Variants in INTU observed in about 807,000 individuals in gnomAD.
INTU encodes inturned planar cell polarity protein.
INTU carries 68 observed loss-of-function variants against 100.5 expected under a neutral mutation model. The ratio of observed to expected loss-of-function variants is 0.68; its 90% confidence interval spans 0.56 to 0.83. INTU has a LOEUF of 0.83. Ranked by LOEUF, INTU falls within the 40% of genes least tolerant of loss-of-function variation. The probability of loss-of-function intolerance (pLI) is 0.00; values close to 1 mark genes in which losing one functional copy is unlikely to be tolerated. For missense variants in INTU, 1,071 were observed against 1,114.7 expected (o/e 0.96, Z 0.56); for synonymous variants, 357 against 395.7 (o/e 0.90, Z 1.16).
chr4:127,702,270 T>C (rs1730681650), intron 9 of INTU, among the ~76,000 whole-genome samples: 1 of 152,174 alleles, frequency 6.6e-6, no homozygotes, highest in Admixed American at 6.6e-5. Context: ...ACAACTACTT[T>C]GGAAGACAGT....
At chr4:127,646,126 A>G (rs1423032365) in intron 2 of INTU, among the ~76,000 whole-genome samples, 3 of 151,042 alleles carry the variant, frequency 2.0e-5, no homozygotes, top group African/African-American at 7.3e-5. Context: ...AGAGGTTGCA[A>G]TGAGCCAAGA....
chr4:127,720,838 A>G lies in INTU; in HGVS notation c.*4402A>G, dbSNP rs1731336371. On this transcript the variant is annotated 3_prime_UTR_variant, in exon 16 of 16. Transcript: ENST00000335251. ...CCTTTTGCTTGGTAGATTTTCCTTC[A>G]TCCTTTTATTTTGAGTCTATGTGTG... The G allele has an allele frequency of 6.6e-6, 1 of 151,372 alleles. No homozygotes were observed. Among genetic ancestry groups the G allele is most frequent in the South Asian group, 2.1e-4 (1 of 4,790 alleles). 9.4% of individuals were successfully genotyped at this position (151,372 alleles called of 1,614,324 possible). A position where few individuals can be genotyped will look rare whatever the true frequency, so the allele number is the denominator to read the frequency against.
At chr4:127,703,812 G>GTATA (rs1241695322) in intron 9 of INTU, among the ~76,000 whole-genome samples, 5 of 152,008 alleles carry the variant, frequency 3.3e-5, no homozygotes, top group Non-Finnish European at 7.4e-5. Context: ...TACTCAGAGG[G>GTATA]TATATATACT....
chr4:127,714,052 T>A lies in INTU; in HGVS notation c.2676T>A (p.Asp892Glu), dbSNP rs768394698. 4.3e-6 allele frequency: 7 copies of A among 1,613,376 alleles called. No homozygotes were observed. In the East Asian group the frequency reaches 1.1e-4, roughly 26 times the overall value. ...AATGTTCACCTGGAAACTGGACTGA[T>A]CAGAAAAAAGCACCACCAGTTATGG... ...LFECSPGNWT[D>E]QKKAPPVMAY... The change falls in exon 15 of 16, where the codon GAT (aspartate) becomes GAA (glutamate). Residue 892 changes from aspartate (D) to glutamate (E), a missense_variant. Transcript: ENST00000335251.
At chr4:127,696,415 A>G (rs972903924) in intron 8 of INTU, among the ~76,000 whole-genome samples, 3 of 152,124 alleles carry the variant, frequency 2.0e-5, no homozygotes, top group Admixed American at 6.5e-5. Flanking sequence ...TTCTTCTTGT[A>G]TCTTTCAAGG....
intron 6 of INTU, among the ~76,000 whole-genome samples, chr4:127,684,089 T>C (rs950141035): frequency 1.3e-5 from 2 of 152,166 alleles, no homozygotes; most frequent in Non-Finnish European, 2.9e-5. Flanking sequence ...ATTAATTTCA[T>C]TTAATTCTCA....
At chr4:127,696,293 T>C (rs1043806594) in intron 8 of INTU, among the ~76,000 whole-genome samples, 11 of 152,206 alleles carry the variant, frequency 7.2e-5, no homozygotes, top group Non-Finnish European at 1.5e-5. Flanking sequence ...ACTTAAATGT[T>C]TGGTAGAATT....
At chr4:127,663,985 A>G (rs910424661) in intron 4 of INTU, among the ~76,000 whole-genome samples, 5 of 152,092 alleles carry the variant, frequency 3.3e-5, no homozygotes, top group Non-Finnish European at 7.4e-5. Context: ...TTACACTTTT[A>G]TAACCAGTAT....
intron 2 of INTU, among the ~76,000 whole-genome samples, chr4:127,648,537 T>C (rs568154083): frequency 1.3e-5 from 2 of 152,330 alleles, no homozygotes; most frequent in Admixed American, 1.3e-4. Flanking sequence ...AATGTATTCA[T>C]TAGGATTTGG....
chr4:127,653,215 A>G (rs1560835395), intron 2 of INTU, among the ~76,000 whole-genome samples: 2 of 128,970 alleles, frequency 1.6e-5, no homozygotes, highest in African/African-American at 3.1e-5. Flanking sequence ...TTGTGTCTCT[A>G]TTTCCTTCAG....
chr4:127,650,108 G>A (rs1727774231), intron 2 of INTU, among the ~76,000 whole-genome samples: 1 of 152,150 alleles, frequency 6.6e-6, no homozygotes, highest in Non-Finnish European at 1.5e-5. Context: ...GCAAAGAACT[G>A]TTTGTAGACA....
rs1728811482 is a variant in INTU, at chr4:127,669,070, CAT to C, written c.1008_1009del (p.Gln338GlufsTer3). 1 of 1,533,960 alleles carries C rather than the reference CAT, an allele frequency of 6.5e-7. No homozygotes were observed. Among genetic ancestry groups the C allele is most frequent in the Non-Finnish European group, 8.9e-7 (1 of 1,128,424 alleles). ...CTTTATCATTATCCAATGTCTGAAG[CAT>C]CTCAGAAACTTAAAAGTGTGAGAGG... On this transcript the variant is annotated frameshift_variant, in exon 5 of 16. Coordinates refer to ENST00000335251, the MANE Select transcript of INTU (RefSeq NM_015693.4). LOFTEE classifies it high-confidence loss of function.
chr4:127,711,767 C>T (rs1230817372), intron 14 of INTU, among the ~76,000 whole-genome samples: 1 of 152,112 alleles, frequency 6.6e-6, no homozygotes, highest in African/African-American at 2.4e-5. Context: ...TGAAACCATC[C>T]CTCCCCCAGA....
At chr4:127,683,170 G>T (rs1729662495) in intron 6 of INTU, among the ~76,000 whole-genome samples, 1 of 152,106 alleles carries the variant, frequency 6.6e-6, no homozygotes, top group Non-Finnish European at 1.5e-5. Context: ...GGGAAGGGAG[G>T]CCATCTTCCC....
At chr4:127,676,683 G>A (rs1729209641) in intron 6 of INTU, among the ~76,000 whole-genome samples, 1 of 152,174 alleles carries the variant, frequency 6.6e-6, no homozygotes, top group Non-Finnish European at 1.5e-5. Flanking sequence ...CAGAAGACGG[G>A]TGATTTCTGC....
At chr4:127,666,105 A>T (rs1728686042) in intron 4 of INTU, among the ~76,000 whole-genome samples, 1 of 152,048 alleles carries the variant, frequency 6.6e-6, no homozygotes, top group South Asian at 2.1e-4. Flanking sequence ...CTGTTGTTTA[A>T]TCTCTCCATT....
chr4:127,712,711 G>T (rs909777019), intron 14 of INTU, among the ~76,000 whole-genome samples: 1 of 152,196 alleles, frequency 6.6e-6, no homozygotes, highest in Non-Finnish European at 1.5e-5. Flanking sequence ...CTTGAACAGA[G>T]ACCTGAATGA....
intron 6 of INTU, among the ~76,000 whole-genome samples, chr4:127,676,898 A>C (rs1202219253): frequency 6.6e-6 from 1 of 152,160 alleles, no homozygotes; most frequent in Non-Finnish European, 1.5e-5. Context: ...TCCCACCCCA[A>C]TACTGCGCTT....
chr4:127,694,007 A>T (rs919174187), intron 8 of INTU, among the ~76,000 whole-genome samples: 4 of 152,100 alleles, frequency 2.6e-5, no homozygotes, highest in African/African-American at 9.7e-5. Flanking sequence ...CCCTATGTTC[A>T]TCAGGGATAT....
Sources: gnomAD v4.1 joint callset for allele counts (sites outside exome capture counted in the v4.1 genomes callset) on GRCh38, gnomAD v4.1.1 for gene constraint, MANE v1.5 for transcripts, NCBI Gene and HGNC (gene_info 2026-07-23, HGNC 2026-07-21) for gene names.